STEAP4: variants seen among roughly 807,000 people sequenced by gnomAD.
The protein encoded by STEAP4 is STEAP4 metalloreductase.
A neutral mutation model predicts 43.6 loss-of-function variants in STEAP4; 36 were observed. The ratio of observed to expected loss-of-function variants is 0.83; its 90% CI spans 0.63 to 1.09. The LOEUF is 1.09. STEAP4 is among the 50% of genes least tolerant of loss of function. The pLI is 0.00. For missense variants in STEAP4, 495 were observed against 546.5 expected (o/e 0.91, Z 0.94); for synonymous variants, 191 against 196.7 (o/e 0.97, Z 0.24).
intron 1 of STEAP4, among the ~76,000 whole-genome samples, chr7:88,287,511 A>G (rs1295176531): frequency 6.6e-6 from 1 of 152,202 alleles, no homozygotes; most frequent in Non-Finnish European, 1.5e-5. Context: ...TATTATTATT[A>G]CACAAATCAG....
At chr7:88,299,183 C>G (rs1852985243) in intron 1 of STEAP4, among the ~76,000 whole-genome samples, 1 of 152,118 alleles carries the variant, frequency 6.6e-6, no homozygotes, top group African/African-American at 2.4e-5. Flanking sequence ...AATTTAGGTT[C>G]TTTGTCGAAA....
At chr7:88,289,919 C>A (rs1852808125) in intron 1 of STEAP4, among the ~76,000 whole-genome samples, 1 of 152,194 alleles carries the variant, frequency 6.6e-6, no homozygotes, top group African/African-American at 2.4e-5. Context: ...TTTTATAAAT[C>A]AAACCTTCAA....
chr7:88,306,576 T>A (rs1853137769), intron 1 of STEAP4, among the ~76,000 whole-genome samples: 1 of 152,124 alleles, frequency 6.6e-6, no homozygotes, highest in Admixed American at 6.5e-5. Context: ...CACCCTGGGG[T>A]AGGGATGAGC....
chr7:88,306,446 A>T (rs1853134115), intron 1 of STEAP4, among the ~76,000 whole-genome samples: 1 of 152,248 alleles, frequency 6.6e-6, no homozygotes, highest in South Asian at 2.1e-4. Context: ...TTGGAGACTG[A>T]CTGCTAAAGC....
At chr7:88,292,916 T>C (rs1262172978) in intron 1 of STEAP4, 1 of 152,204 alleles carries the variant, frequency 6.6e-6, no homozygotes, top group Non-Finnish European at 1.5e-5. Context: ...TAACTCTTCA[T>C]CTAAGGTAGG....
intron 1 of STEAP4, chr7:88,291,092 G>A (rs562999961): frequency 1.3e-5 from 2 of 152,106 alleles, no homozygotes; most frequent in East Asian, 1.9e-4. Context: ...TCTAATTAAT[G>A]TAGCCTTTAT....
chr7:88,286,594 C>T (rs747707504), intron 1 of STEAP4, among the ~76,000 whole-genome samples: 1 of 152,144 alleles, frequency 6.6e-6, no homozygotes, highest in Non-Finnish European at 1.5e-5. Flanking sequence ...CGCCTATAGT[C>T]CCAGCTACTC....
chr7:88,305,318 T>C (rs1388008793), intron 1 of STEAP4, among the ~76,000 whole-genome samples: 1 of 152,234 alleles, frequency 6.6e-6, no homozygotes, highest in Non-Finnish European at 1.5e-5. Context: ...TTGGCAGTGT[T>C]TGCCATGCAG....
chr7:88,297,038 G>A (rs1852935208), intron 1 of STEAP4, among the ~76,000 whole-genome samples: 1 of 152,152 alleles, frequency 6.6e-6, no homozygotes. Flanking sequence ...AAGTAGTGCT[G>A]TTTGCAAGGG....
intron 1 of STEAP4, among the ~76,000 whole-genome samples, chr7:88,303,018 A>T (rs139044222): frequency 7.3e-5 from 11 of 151,102 alleles, no homozygotes; most frequent in African/African-American, 2.4e-4. Context: ...TTCTACTAAT[A>T]ATCTTCCAAG....
In STEAP4 at chr7:88,278,263, C is replaced by G. The variant is rs1852547580; in HGVS notation, c.*1135G>C. ...CAGTGAGAACCATCCTAAATTTCAG[C>G]AAGGATTTGAGAAAGATCCAAATTT... On this transcript the variant is annotated 3_prime_UTR_variant, in exon 5 of 5. Transcript: ENST00000380079. 1.3e-5 allele frequency: 2 copies of G among 152,158 alleles called. No homozygotes were observed. Among genetic ancestry groups the G allele is most frequent in the African/African-American group, 4.8e-5 (2 of 41,438 alleles). The allele number at this position is 152,158 out of a possible 1,614,324, so 9.4% of individuals were successfully genotyped here.
Position 88,281,009 on chromosome 7 carries a change from C to A in STEAP4, c.1055G>T (p.Gly352Val), listed in dbSNP as rs1365423503. 1 of 1,613,136 alleles carries A rather than the reference C, an allele frequency of 6.2e-7. No individual in the cohort carries two copies. The highest frequency in any genetic ancestry group is 1.3e-5 in the African/African-American group (1 of 74,840). The stretch of plus-strand genomic sequence containing the variant: ...TACAAACAGAAAAAACCCAAGTATT[C>A]CCAAAGCCACATATGAATCACTGAG... Reference protein sequence around the residue: ...AWLSDSYVALGILGFFLFVLL... With the variant: ...AWLSDSYVALVILGFFLFVLL... Residue 352 changes from glycine (G) to valine (V), a missense_variant, in exon 4 of 5, where the codon GGA becomes GTA. Coordinates refer to ENST00000380079, the MANE Select transcript of STEAP4 (RefSeq NM_024636.4).
chr7:88,289,932 T>A (rs1249353722), intron 1 of STEAP4, among the ~76,000 whole-genome samples: 1 of 152,240 alleles, frequency 6.6e-6, no homozygotes, highest in Non-Finnish European at 1.5e-5. Context: ...ACCTTCAAAC[T>A]GCTGAACAAT....
rs1254217165 is a variant in STEAP4 at position 88,277,917 on chromosome 7, C to G, written c.*1481G>C. ...AAACAAAGCCTTTAGAAAAACAAAGCCTTTGAAAAAGGATGTAAAATTGAA... is the reference window on the plus strand; with the variant it reads ...AAACAAAGCCTTTAGAAAAACAAAGGCTTTGAAAAAGGATGTAAAATTGAA... On this transcript the variant is annotated 3_prime_UTR_variant, in exon 5 of 5. Transcript: ENST00000380079. 1 of 151,330 alleles carries G rather than the reference C, an allele frequency of 6.6e-6. No individual in the cohort carries two copies. The highest frequency in any genetic ancestry group is 1.5e-5 in the Non-Finnish European group (1 of 67,826). The allele number at this position is 151,330 out of a possible 1,614,324, so 9.4% of individuals were successfully genotyped here. A position where few individuals can be genotyped will look rare whatever the true frequency, so the allele number is the denominator to read the frequency against.
rs558927020 is a variant in STEAP4, at chr7:88,274,517, T to C, written c.*4881A>G. ...CGAGCTTGAGGAGAGGTAATGCATA[T>C]GTTACCAGAAAGGGGGTCCAATACA... On this transcript the variant is annotated 3_prime_UTR_variant, in exon 5 of 5. Coordinates refer to ENST00000380079, the MANE Select transcript of STEAP4 (RefSeq NM_024636.4). The C allele has an allele frequency of 6.6e-6, 1 of 152,282 alleles. No individual in the cohort carries two copies. The highest frequency in any genetic ancestry group is 2.1e-4 in the South Asian group (1 of 4,822). 9.4% of individuals were successfully genotyped at this position (152,282 alleles called of 1,614,324 possible). A position where few individuals can be genotyped will look rare whatever the true frequency, so the allele number is the denominator to read the frequency against.
Position 88,281,047 on chromosome 7 carries a change from G to A in STEAP4, c.1017C>T (p.Thr339=), listed in dbSNP as rs752280437. 2 of 1,603,512 alleles carry A rather than the reference G, an allele frequency of 1.2e-6. No individual in the cohort carries two copies. The highest frequency in any genetic ancestry group is 1.7e-6 in the Non-Finnish European group (2 of 1,176,784). The change falls in exon 4 of 5, where the codon ACC becomes ACT. Residue 339 remains threonine (T), a synonymous_variant. Transcript: ENST00000380079. Reference sequence around the variant, plus strand: ...ATGAATCACTGAGCCAGGCTGAGGAGGTGCTAAATGGATTCTCCTTCTTGA... The same window carrying A: ...ATGAATCACTGAGCCAGGCTGAGGAAGTGCTAAATGGATTCTCCTTCTTGA... ...AILKKENPFS[T]SSAWLSDSYV...
At chr7:88,300,096 T>A (rs1853005815) in intron 1 of STEAP4, among the ~76,000 whole-genome samples, 1 of 152,266 alleles carries the variant, frequency 6.6e-6, no homozygotes, top group Non-Finnish European at 1.5e-5. Flanking sequence ...GAAAGTGCTC[T>A]TGAAATTCCT....
chr7:88,289,773 A>G (rs1326611571), intron 1 of STEAP4, among the ~76,000 whole-genome samples: 1 of 152,232 alleles, frequency 6.6e-6, no homozygotes, highest in Non-Finnish European at 1.5e-5. Context: ...CATGTGGGGA[A>G]GTACCTGTAG....
At chr7:88,285,771 A>AG (rs1436004015) in intron 1 of STEAP4, among the ~76,000 whole-genome samples, 20 of 150,674 alleles carry the variant, frequency 1.3e-4, no homozygotes, top group African/African-American at 4.9e-4. Context: ...AAAAAAAAAA[A>AG]AAAGAAAGAA....
Sources: allele counts gnomAD v4.1 joint callset (sites outside exome capture counted in the v4.1 genomes callset), GRCh38; gene constraint gnomAD v4.1.1; transcripts MANE v1.5; gene names NCBI Gene and HGNC (gene_info 2026-07-23, HGNC 2026-07-21).